SBF2: variants seen among roughly 807,000 people sequenced by gnomAD.
SBF2 encodes the protein SET binding factor 2.
Under a neutral mutation model 225.2 loss-of-function variants are expected in SBF2, and 112 were observed. The observed-to-expected ratio is 0.50, with a 90% CI of 0.43 to 0.58. SBF2 has a LOEUF of 0.58. Among genes scored for constraint, SBF2 ranks in the 20% least tolerant of loss-of-function variants. The probability of loss-of-function intolerance (pLI) is 0.00; values close to 1 mark genes in which losing one functional copy is unlikely to be tolerated. For missense variants in SBF2, 1,996 were observed against 2,206.2 expected (o/e 0.90, Z 1.91); for synonymous variants, 763 against 773.3 (o/e 0.99, Z 0.22).
intron 14 of SBF2, among the ~76,000 whole-genome samples, chr11:9,965,621 C>T (rs1274442364): frequency 1.3e-5 from 2 of 152,080 alleles, no homozygotes; most frequent in Admixed American, 6.5e-5. Context: ...TATATGCTCA[C>T]AATAAGCTGC....
intron 2 of SBF2, among the ~76,000 whole-genome samples, chr11:10,147,285 A>G (rs532089729): frequency 6.6e-6 from 1 of 152,326 alleles, no homozygotes; most frequent in East Asian, 1.9e-4. Flanking sequence ...TTACTGCAGT[A>G]CTATTCACAA....
intron 2 of SBF2, among the ~76,000 whole-genome samples, chr11:10,071,060 G>T (rs1172939537): frequency 6.6e-6 from 1 of 152,108 alleles, no homozygotes; most frequent in Non-Finnish European, 1.5e-5. Context: ...GAGGTTTTGG[G>T]CTGAGACGAT....
intron 2 of SBF2, among the ~76,000 whole-genome samples, chr11:10,063,852 CACACACAGAG>C (rs1251675425): frequency 7.5e-6 from 1 of 132,548 alleles, no homozygotes; most frequent in Admixed American, 8.0e-5. Context: ...CACACACACA[CACACACAGAG>C]AGAGAGAGAG....
chr11:9,983,730 C>T (rs1169715097), intron 13 of SBF2, among the ~76,000 whole-genome samples: 4 of 152,206 alleles, frequency 2.6e-5, no homozygotes, highest in African/African-American at 9.7e-5. Flanking sequence ...AGCTGAGAGA[C>T]CCATAGACGG....
At chr11:10,247,355 G>T (rs1322901854) in intron 1 of SBF2, among the ~76,000 whole-genome samples, 2 of 152,008 alleles carry the variant, frequency 1.3e-5, no homozygotes, top group Non-Finnish European at 2.9e-5. Flanking sequence ...TTGAAAATCA[G>T]TCTCTGTCAT....
chr11:9,791,314 G>A (rs1193551473), intron 33 of SBF2: 2 of 151,696 alleles, frequency 1.3e-5, no homozygotes, highest in Admixed American at 6.6e-5. Context: ...GTGTTGGGGT[G>A]AGGCAAAAAG....
At chr11:9,852,445 G>T in intron 21 of SBF2, among the ~76,000 whole-genome samples, 1 of 152,194 alleles carries the variant, frequency 6.6e-6, no homozygotes, top group East Asian at 1.9e-4. Flanking sequence ...TAGACTCAAT[G>T]AGAGGTTATT....
At chr11:9,801,383 T>C (rs528006941) in intron 32 of SBF2, among the ~76,000 whole-genome samples, 1 of 152,252 alleles carries the variant, frequency 6.6e-6, no homozygotes, top group East Asian at 1.9e-4. Flanking sequence ...TTTTTGCCCA[T>C]GTGCCATTAA....
intron 3 of SBF2, among the ~76,000 whole-genome samples, chr11:10,035,641 G>A (rs1051351438): frequency 6.6e-6 from 1 of 152,156 alleles, no homozygotes; most frequent in Admixed American, 6.5e-5. Flanking sequence ...AGACATTTAT[G>A]CAGCCAAAAG....
At chr11:9,819,718 C>T (rs985964814) in intron 28 of SBF2, among the ~76,000 whole-genome samples, 6 of 152,232 alleles carry the variant, frequency 3.9e-5, no homozygotes, top group East Asian at 3.9e-4. Flanking sequence ...AGGAGAATGG[C>T]GAATGCTGCA....
At chr11:9,936,970 C>G (rs983147394) in intron 16 of SBF2, among the ~76,000 whole-genome samples, 1 of 152,120 alleles carries the variant, frequency 6.6e-6, no homozygotes, top group Non-Finnish European at 1.5e-5. Context: ...ATGACCTAAT[C>G]ATCTCTTAAA....
chr11:10,122,043 A>G (rs2135056933), intron 2 of SBF2, among the ~76,000 whole-genome samples: 1 of 152,320 alleles, frequency 6.6e-6, no homozygotes, highest in Non-Finnish European at 1.5e-5. Context: ...GGCAATTCAG[A>G]TATGCCAAAG....
intron 2 of SBF2, among the ~76,000 whole-genome samples, chr11:10,072,085 G>A (rs1199005570): frequency 6.6e-6 from 1 of 152,090 alleles, no homozygotes; most frequent in African/African-American, 2.4e-5. Flanking sequence ...ATGTATGTGT[G>A]CATATAAATA....
chr11:10,115,807 T>A (rs764338925), intron 2 of SBF2, among the ~76,000 whole-genome samples: 29 of 152,190 alleles, frequency 1.9e-4, no homozygotes, highest in Non-Finnish European at 3.8e-4. Flanking sequence ...CAAAGGAAAC[T>A]TTCTGATGAT....
chr11:10,019,943 C>A (rs937431286), intron 6 of SBF2, among the ~76,000 whole-genome samples: 3 of 152,010 alleles, frequency 2.0e-5, no homozygotes, highest in Admixed American at 1.3e-4. Context: ...GTTTTAGGAA[C>A]GTAAGTTATT....
chr11:9,795,207 C>T (rs1235304417), intron 33 of SBF2, among the ~76,000 whole-genome samples: 2 of 152,226 alleles, frequency 1.3e-5, no homozygotes, highest in Non-Finnish European at 2.9e-5. Context: ...TAGTTCATCA[C>T]TATCATTACT....
intron 1 of SBF2, among the ~76,000 whole-genome samples, chr11:10,226,776 G>A (rs1244665890): frequency 1.3e-5 from 2 of 152,092 alleles, no homozygotes; most frequent in Non-Finnish European, 2.9e-5. Context: ...TGTGAATAGT[G>A]CCACAATAAA....
intron 13 of SBF2, among the ~76,000 whole-genome samples, chr11:9,972,278 A>AC (rs1946498229): frequency 6.6e-6 from 1 of 151,956 alleles, no homozygotes; most frequent in Non-Finnish European, 1.5e-5. Flanking sequence ...CACACACACC[A>AC]CCCCAGAATG....
intron 2 of SBF2, among the ~76,000 whole-genome samples, chr11:10,123,752 C>G (rs1206213601): frequency 2.0e-5 from 3 of 151,848 alleles, no homozygotes; most frequent in African/African-American, 7.3e-5. Flanking sequence ...CTGCATTATT[C>G]AGACCTAGGT....
Sources: allele counts gnomAD v4.1 joint callset (sites outside exome capture counted in the v4.1 genomes callset), GRCh38; gene constraint gnomAD v4.1.1; transcripts MANE v1.5; gene names NCBI Gene and HGNC (gene_info 2026-07-23, HGNC 2026-07-21).